SLC49A4: variants seen among roughly 807,000 people sequenced by gnomAD.
The protein encoded by SLC49A4 is solute carrier family 49 member 4, also known as disrupted in renal cancer protein 2.
In SLC49A4, 36 loss-of-function variants were observed where a neutral mutation model predicts 50.6. The ratio of observed to expected loss-of-function variants is 0.71; its 90% CI spans 0.55 to 0.94. The LOEUF (loss-of-function observed/expected upper bound fraction) is 0.94. Among genes scored for constraint, SLC49A4 ranks in the 40% least tolerant of loss-of-function variants. The pLI is 0.00. For synonymous variants in SLC49A4, 248 were observed against 241.2 expected (o/e 1.03, Z -0.26); for missense variants, 503 against 605.7 (o/e 0.83, Z 1.78).
rs1937317208 is a variant in SLC49A4, at chr3:122,880,089, T to C, written c.*711T>C. Reference sequence around the variant, plus strand: ...ATAATTATGTGAGGGTGTCTAAATGTTTAATATGATTACATTAAATATTGT... The same window carrying C: ...ATAATTATGTGAGGGTGTCTAAATGCTTAATATGATTACATTAAATATTGT... On this transcript the variant is annotated 3_prime_UTR_variant, in exon 9 of 9. Coordinates refer to ENST00000261038, the MANE Select transcript of SLC49A4 (RefSeq NM_032839.3). 1 of 152,292 alleles carries C rather than the reference T, an allele frequency of 6.6e-6. No individual in the cohort carries two copies. The highest frequency in any genetic ancestry group is 1.9e-4 in the East Asian group (1 of 5,196). 9.4% of individuals were successfully genotyped at this position (152,292 alleles called of 1,614,324 possible). A position where few individuals can be genotyped will look rare whatever the true frequency, so the allele number is the denominator to read the frequency against.
chr3:122,847,167 A>G (rs573569083), intron 5 of SLC49A4, among the ~76,000 whole-genome samples: 5 of 152,272 alleles, frequency 3.3e-5, no homozygotes, highest in Non-Finnish European at 7.4e-5. Flanking sequence ...ATAAACAAAG[A>G]CAAAAATCTG....
At chr3:122,804,284 G>A (rs735729) in intron 1 of SLC49A4, among the ~76,000 whole-genome samples, 7,665 of 152,310 alleles carry the variant, frequency 0.05, 264 homozygotes, top group Middle Eastern at 0.11. Flanking sequence ...AACTCAGCAA[G>A]AACTCAGTCA....
rs1937312915 is a variant in SLC49A4, at chr3:122,879,868, A to G, written c.*490A>G. 1 of 153,370 alleles carries G rather than the reference A, an allele frequency of 6.5e-6. No homozygotes were observed. The highest frequency in any genetic ancestry group is 2.4e-5 in the African/African-American group (1 of 41,470). 9.5% of individuals were successfully genotyped at this position (153,370 alleles called of 1,614,324 possible). A position where few individuals can be genotyped will look rare whatever the true frequency, so the allele number is the denominator to read the frequency against. ...AAGAGGTATATCGATGATGGAAATT[A>G]GCCACATGTACACTACATTTTTTCT... On this transcript the variant is annotated 3_prime_UTR_variant, in exon 9 of 9. Transcript: ENST00000261038.
chr3:122,860,081 A>C lies in SLC49A4; in HGVS notation c.1017A>C (p.Ala339=), dbSNP rs751862208. Residue 339 remains alanine (A), a synonymous_variant, in exon 7 of 9, where the codon GCA becomes GCC. Transcript: ENST00000261038. The stretch of plus-strand genomic sequence containing the variant: ...AGAGCATTTTTGTTTTTAGGTTTGC[A>C]GATTTTATCAGGGGTATGCTGAAAC... ...CVVGIAMARF[A]DFIRGMLKLI... is the part of the protein sequence containing the mutation. 1.9e-6 allele frequency: 3 copies of C among 1,604,202 alleles called. No homozygotes were observed. The highest frequency in any genetic ancestry group is 2.5e-6 in the Non-Finnish European group (3 of 1,176,898).
At chr3:122,843,777 G>A (rs546082516) in intron 4 of SLC49A4, among the ~76,000 whole-genome samples, 1 of 152,246 alleles carries the variant, frequency 6.6e-6, no homozygotes, top group South Asian at 2.1e-4. Flanking sequence ...TGTGATTCAG[G>A]TTTTAGTTTT....
chr3:122,795,622 T>G, intron 1 of SLC49A4, 87 bp downstream of exon 1: 4 of 1,494,222 alleles, frequency 2.7e-6, no homozygotes, highest in Non-Finnish European at 3.5e-6. Context: ...GCCGCCTCCC[T>G]TGGCCCCGGC....
intron 2 of SLC49A4, among the ~76,000 whole-genome samples, chr3:122,814,259 C>A (rs1281067706): frequency 6.6e-6 from 1 of 152,122 alleles, no homozygotes; most frequent in African/African-American, 2.4e-5. Context: ...CAGAGCAAGA[C>A]CCTGTCTCAA....
At chr3:122,843,582 G>T (rs1241682617) in intron 4 of SLC49A4, among the ~76,000 whole-genome samples, 4 of 152,080 alleles carry the variant, frequency 2.6e-5, no homozygotes, top group African/African-American at 9.7e-5. Context: ...CCACATTAGG[G>T]CCACACATTG....
intron 4 of SLC49A4, 122 bp downstream of exon 4, chr3:122,833,568 G>T: frequency 2.5e-6 from 2 of 807,792 alleles, no homozygotes; most frequent in Non-Finnish European, 3.6e-6. Context: ...GTAAGTAATT[G>T]ATAAAATACT....
In SLC49A4 at chr3:122,860,214, C is replaced by G; in HGVS notation, c.1138+12C>G. The G allele has an allele frequency of 6.4e-7, 1 of 1,570,624 alleles. No homozygotes were observed. The highest frequency in any genetic ancestry group is 8.6e-7 in the Non-Finnish European group (1 of 1,161,868). On this transcript the variant is annotated intron_variant, in intron 7 of 8. Transcript: ENST00000261038. ...ACCTTTAACCACAGGTGAGCATAGG[C>G]TATTTTTGAACTTTTAATAAATATT...
chr3:122,818,665 TG>T (rs1483771645), intron 2 of SLC49A4, among the ~76,000 whole-genome samples: 1 of 152,130 alleles, frequency 6.6e-6, no homozygotes, highest in Non-Finnish European at 1.5e-5. Context: ...TGAGAGAAAC[TG>T]GGCTTGTTGG....
At position 122,810,479 on chromosome 3, in the gene SLC49A4, A is replaced by G. The variant is rs1936283055; in HGVS notation, c.437+3529A>G. ...TGAAATATTATTATATTGCTTTCCC[A>G]GTAAACAACTTAAGGACTTCTGAAG... On this transcript the variant is annotated intron_variant, in intron 2 of 8. Coordinates refer to ENST00000261038, the MANE Select transcript of SLC49A4 (RefSeq NM_032839.3). Among the ~76,000 whole-genome samples, 3 of 152,226 alleles carry G rather than the reference A, an allele frequency of 2.0e-5. No homozygotes were observed. In the South Asian group the frequency reaches 6.2e-4, roughly 31 times the overall value.
chr3:122,866,201 G>A (rs182681681), intron 7 of SLC49A4, among the ~76,000 whole-genome samples: 69 of 134,722 alleles, frequency 5.1e-4, no homozygotes, highest in Non-Finnish European at 7.9e-4. Flanking sequence ...GCTAACTTTC[G>A]TTGTTTTTTT....
intron 7 of SLC49A4, among the ~76,000 whole-genome samples, chr3:122,866,312 G>C (rs1336088965): frequency 6.6e-6 from 1 of 151,888 alleles, no homozygotes; most frequent in African/African-American, 2.4e-5. Context: ...AAAATGTTGG[G>C]ATTGCAGATG....
chr3:122,822,154 A>C (rs548708096), intron 2 of SLC49A4, among the ~76,000 whole-genome samples: 1 of 152,258 alleles, frequency 6.6e-6, no homozygotes, highest in South Asian at 2.1e-4. Context: ...GATGACAAAC[A>C]ATTAATATTA....
intron 6 of SLC49A4, among the ~76,000 whole-genome samples, chr3:122,857,505 A>C (rs934281470): frequency 6.6e-6 from 1 of 152,146 alleles, no homozygotes; most frequent in Non-Finnish European, 1.5e-5. Flanking sequence ...TATCACCTCA[A>C]TATCTAAATA....
At chr3:122,877,410 C>T (rs1032691641) in intron 8 of SLC49A4, among the ~76,000 whole-genome samples, 5 of 152,124 alleles carry the variant, frequency 3.3e-5, no homozygotes, top group African/African-American at 7.2e-5. Context: ...AATTATGAGA[C>T]GTTTTTAGAG....
intron 1 of SLC49A4, among the ~76,000 whole-genome samples, chr3:122,800,079 A>G (rs529928521): frequency 2.0e-4 from 31 of 152,192 alleles, no homozygotes; most frequent in Admixed American, 1.4e-3. Flanking sequence ...TCAGCCTACA[A>G]TGGTATTTAA....
intron 8 of SLC49A4, among the ~76,000 whole-genome samples, chr3:122,874,362 T>C (rs1465849565): frequency 6.6e-6 from 1 of 152,206 alleles, no homozygotes; most frequent in African/African-American, 2.4e-5. Flanking sequence ...TGCAAATTCA[T>C]AGTGACCAGA....
Sources: gnomAD v4.1 joint callset for allele counts (sites outside exome capture counted in the v4.1 genomes callset) on GRCh38, gnomAD v4.1.1 for gene constraint, MANE v1.5 for transcripts, NCBI Gene and HGNC (gene_info 2026-07-23, HGNC 2026-07-21) for gene names.